Variants in SPICE1 observed in about 807,000 individuals in gnomAD.
SPICE1 encodes spindle and centriole-associated protein 1.
SPICE1 carries 75 observed loss-of-function variants against 102.7 expected under a neutral mutation model. The observed-to-expected ratio is 0.73, with a 90% CI of 0.61 to 0.88. SPICE1 has a LOEUF of 0.88. Among genes scored for constraint, SPICE1 ranks in the 40% least tolerant of loss-of-function variants. SPICE1 has a pLI of 0.00. For missense variants in SPICE1, 979 were observed against 1,020.1 expected, an observed-to-expected ratio of 0.96 and a Z score of 0.55; for synonymous variants, 308 against 350.3, an observed-to-expected ratio of 0.88 and a Z score of 1.35.
At chr3:113,458,784 C>T (rs527452195) in intron 12 of SPICE1, among the ~76,000 whole-genome samples, 136 of 151,544 alleles carry the variant, frequency 9.0e-4, no homozygotes, top group Non-Finnish European at 1.5e-3. Flanking sequence ...TCTGCCTGGC[C>T]GCCCATCGTC....
chr3:113,496,606 T>C (rs1936896442), intron 4 of SPICE1, among the ~76,000 whole-genome samples: 1 of 152,180 alleles, frequency 6.6e-6, no homozygotes, highest in Non-Finnish European at 1.5e-5. Flanking sequence ...TCCCATGGCA[T>C]GGGTACATCT....
intron 10 of SPICE1, among the ~76,000 whole-genome samples, chr3:113,467,327 T>G (rs1181888963): frequency 6.6e-6 from 1 of 152,234 alleles, no homozygotes; most frequent in Non-Finnish European, 1.5e-5. Flanking sequence ...TGTCTTGCTC[T>G]GCCGCCCAGG....
At chr3:113,466,035 A>G (rs915988376) in intron 10 of SPICE1, among the ~76,000 whole-genome samples, 5 of 152,180 alleles carry the variant, frequency 3.3e-5, no homozygotes, top group African/African-American at 4.8e-5. Context: ...TTTTTTGTAA[A>G]AAGAAAGTAG....
intron 15 of SPICE1, 66 bp downstream of exon 15, chr3:113,450,270 T>C (rs753694750): frequency 6.3e-7 from 1 of 1,596,346 alleles, no homozygotes; most frequent in Non-Finnish European, 8.6e-7. Flanking sequence ...TAATATAAAC[T>C]TGCAAAATCA....
intron 12 of SPICE1, 97 bp from the exon 13 acceptor site, chr3:113,457,454 A>G: frequency 8.3e-7 from 1 of 1,209,760 alleles, no homozygotes; most frequent in Non-Finnish European, 1.2e-6. Flanking sequence ...GTAGAGTGCA[A>G]AATCCACATG....
chr3:113,459,393 A>G, intron 12 of SPICE1: 1 of 862,802 alleles, frequency 1.2e-6, no homozygotes, highest in Non-Finnish European at 1.4e-6. Flanking sequence ...CCTCTCCGAG[A>G]AACACCCAAG....
intron 3 of SPICE1, among the ~76,000 whole-genome samples, chr3:113,499,960 T>G (rs554281911): frequency 6.6e-6 from 1 of 151,918 alleles, no homozygotes; most frequent in East Asian, 1.9e-4. Context: ...TACACACATA[T>G]ACACACACTA....
chr3:113,475,068 T>A (rs1936307038), intron 7 of SPICE1, among the ~76,000 whole-genome samples: 1 of 151,768 alleles, frequency 6.6e-6, no homozygotes, highest in African/African-American at 2.4e-5. Flanking sequence ...GAAAGAAGAA[T>A]CAAATAGATG....
At chr3:113,475,155 C>T (rs1299626815) in intron 7 of SPICE1, among the ~76,000 whole-genome samples, 1 of 152,194 alleles carries the variant, frequency 6.6e-6, no homozygotes, top group African/African-American at 2.4e-5. Context: ...ACTACAAACA[C>T]CTCTACGCAA....
intron 11 of SPICE1, 87 bp from the exon 12 acceptor site, chr3:113,460,851 G>T: frequency 8.2e-7 from 1 of 1,217,994 alleles, no homozygotes; most frequent in Non-Finnish European, 1.1e-6. Context: ...AAGGATACGT[G>T]TGTTTAATAT....
intron 11 of SPICE1, among the ~76,000 whole-genome samples, chr3:113,464,303 G>T (rs115399979): frequency 0.015 from 2,253 of 150,232 alleles, 45 homozygotes; most frequent in African/African-American, 0.044. Context: ...GTCACCTAGG[G>T]TGGAGTGTAA....
In SPICE1 at chr3:113,459,456, C is replaced by CAA. The variant is rs200111666; in HGVS notation, c.1435+1159_1435+1160dup. 5.2e-6 allele frequency: 5 copies of CAA among 954,738 alleles called. No homozygotes were observed. In the African/African-American group the frequency reaches 5.5e-5, roughly 10 times the overall value. The allele number at this position is 954,738 out of a possible 1,614,324, so 59.1% of individuals were successfully genotyped here. On this transcript the variant is annotated intron_variant, in intron 12 of 17. Transcript: ENST00000295872. ...AAAAACAAAACAAAACAAAACAAAA[C>CAA]AAAAAAAAACAATAATTCTACAATA...
At chr3:113,507,036 C>T (rs902766213) in intron 1 of SPICE1, among the ~76,000 whole-genome samples, 2 of 152,118 alleles carry the variant, frequency 1.3e-5, no homozygotes, top group Admixed American at 1.3e-4. Flanking sequence ...CACTCTAACA[C>T]TCAAAATCAC....
intron 2 of SPICE1, among the ~76,000 whole-genome samples, chr3:113,505,659 G>A (rs1203146079): frequency 6.6e-6 from 1 of 152,214 alleles, no homozygotes; most frequent in Non-Finnish European, 1.5e-5. Context: ...CCAGCACTTT[G>A]GGAAGCGAAG....
intron 3 of SPICE1, among the ~76,000 whole-genome samples, chr3:113,502,848 G>T (rs1294666411): frequency 6.6e-6 from 1 of 151,996 alleles, no homozygotes; most frequent in Non-Finnish European, 1.5e-5. Context: ...AGAACAATAT[G>T]TTTGTATAGG....
At chr3:113,490,070 T>C (rs188485887) in intron 6 of SPICE1, among the ~76,000 whole-genome samples, 224 of 152,240 alleles carry the variant, frequency 1.5e-3, no homozygotes, top group African/African-American at 5.1e-3. Flanking sequence ...TCCAGTCTTA[T>C]CTTGTTTGGT....
rs941847324 is a variant in SPICE1 at position 113,446,650 on chromosome 3, C to G, written c.2453G>C (p.Cys818Ser). 14 of 1,613,428 alleles carry G rather than the reference C, an allele frequency of 8.7e-6. No homozygotes were observed. The highest frequency in any genetic ancestry group is 1.2e-5 in the Non-Finnish European group (14 of 1,179,696). Reference protein sequence around the residue: ...RRSSGATGNSCSPLNATSGSG... With the variant: ...RRSSGATGNSSSPLNATSGSG... ...TCCTGAGGTGGCATTTAGTGGAGAA[C>G]AAGAATTACCAGTAGCCCCGGAAGA... The change falls in exon 17 of 18, where the codon TGT becomes TCT. Residue 818 changes from cysteine (C) to serine (S), a missense_variant. Transcript: ENST00000295872.
At chr3:113,488,873 G>A in intron 7 of SPICE1, 72 bp downstream of exon 7, 1 of 810,114 alleles carries the variant, frequency 1.2e-6, no homozygotes, top group Non-Finnish European at 2.0e-6. Flanking sequence ...AAAAAATGAT[G>A]CAATAGGCAA....
At chr3:113,450,733 C>G (rs369827563) in intron 14 of SPICE1, among the ~76,000 whole-genome samples, 5 of 152,056 alleles carry the variant, frequency 3.3e-5, no homozygotes, top group Admixed American at 3.3e-4. Context: ...CCTGCCACCA[C>G]GCCCAGCTAA....
Sources: gnomAD v4.1 joint callset for allele counts (sites outside exome capture counted in the v4.1 genomes callset) on GRCh38, gnomAD v4.1.1 for gene constraint, MANE v1.5 for transcripts, NCBI Gene and HGNC (gene_info 2026-07-23, HGNC 2026-07-21) for gene names.